The following HCN1 variants were observed in gnomAD, a reference collection of about 807,000 sequenced individuals.
HCN1 encodes the protein potassium/sodium hyperpolarization-activated cyclic nucleotide-gated channel 1.
HCN1 carries 13 observed loss-of-function variants against 78.9 expected under a neutral mutation model. The observed-to-expected ratio is 0.16, with a 90% CI of 0.11 to 0.26. The LOEUF (loss-of-function observed/expected upper bound fraction) is 0.26. Ranked by LOEUF, HCN1 falls within the 10% of genes least tolerant of loss-of-function variation. The probability of loss-of-function intolerance (pLI) is 1.00; values close to 1 mark genes in which losing one functional copy is unlikely to be tolerated. For missense variants in HCN1, 810 were observed against 1,154.3 expected (o/e 0.70, Z 4.32); for synonymous variants, 552 against 455.5 (o/e 1.21, Z -2.70).
chr5:45,598,582 T>C (rs1744555808), intron 2 of HCN1, among the ~76,000 whole-genome samples: 1 of 152,138 alleles, frequency 6.6e-6, no homozygotes, highest in Admixed American at 6.5e-5. Context: ...CTAATTAAAC[T>C]GAAGAGCTTC....
chr5:45,530,412 T>TATATATA (rs1554031207), intron 2 of HCN1, among the ~76,000 whole-genome samples: 4 of 148,734 alleles, frequency 2.7e-5, no homozygotes, highest in African/African-American at 9.8e-5. Context: ...GATTGTGTTT[T>TATATATA]TATATATATA....
intron 3 of HCN1, among the ~76,000 whole-genome samples, chr5:45,438,732 T>C (rs928933993): frequency 1.3e-5 from 2 of 152,158 alleles, no homozygotes; most frequent in Admixed American, 6.5e-5. Context: ...TATCATAAAA[T>C]TGGAATCAGT....
intron 2 of HCN1, among the ~76,000 whole-genome samples, chr5:45,631,463 C>G (rs113080188): frequency 6.6e-6 from 1 of 152,134 alleles, no homozygotes; most frequent in Non-Finnish European, 1.5e-5. Context: ...GAAGCAGGAC[C>G]GCTAGCCCAC....
intron 2 of HCN1, among the ~76,000 whole-genome samples, chr5:45,640,710 G>C (rs1209163822): frequency 6.6e-6 from 1 of 151,802 alleles, no homozygotes; most frequent in Non-Finnish European, 1.5e-5. Flanking sequence ...GAGAAGCTGA[G>C]ATTACAGGCA....
chr5:45,506,710 GA>G (rs1742309023), intron 2 of HCN1, among the ~76,000 whole-genome samples: 1 of 152,122 alleles, frequency 6.6e-6, no homozygotes, highest in African/African-American at 2.4e-5. Flanking sequence ...TCTCCTTCAG[GA>G]AAAATTGTTT....
At chr5:45,613,399 C>A (rs1744882215) in intron 2 of HCN1, among the ~76,000 whole-genome samples, 1 of 151,864 alleles carries the variant, frequency 6.6e-6, no homozygotes, top group African/African-American at 2.4e-5. Context: ...AAATGCAAAT[C>A]AAAACCACAA....
At chr5:45,439,713 C>G (rs188616027) in intron 3 of HCN1, among the ~76,000 whole-genome samples, 1 of 151,950 alleles carries the variant, frequency 6.6e-6, no homozygotes, top group African/African-American at 2.4e-5. Context: ...GGCCAGCTAA[C>G]CAACAGGATA....
chr5:45,312,687 T>C (rs897465164), intron 5 of HCN1, among the ~76,000 whole-genome samples: 16 of 152,130 alleles, frequency 1.1e-4, no homozygotes, highest in African/African-American at 3.4e-4. Flanking sequence ...ACTTTTCCAA[T>C]GGTCTTAGCA....
intron 1 of HCN1, among the ~76,000 whole-genome samples, chr5:45,680,807 T>C (rs558675882): frequency 1.3e-5 from 2 of 152,292 alleles, no homozygotes; most frequent in South Asian, 4.1e-4. Flanking sequence ...CTAATTATAT[T>C]ATCTCTTCAT....
chr5:45,695,182 G>C (rs1456632149), intron 1 of HCN1: 1 of 175,206 alleles, frequency 5.7e-6, no homozygotes, highest in African/African-American at 2.4e-5. Flanking sequence ...CCAGGGGCGA[G>C]CGCGGCAGGA....
chr5:45,530,142 G>A (rs146013256), intron 2 of HCN1, among the ~76,000 whole-genome samples: 10 of 152,150 alleles, frequency 6.6e-5, no homozygotes, highest in African/African-American at 2.2e-4. Flanking sequence ...CAGTGATTAC[G>A]GAATCTGTAA....
chr5:45,486,328 A>G (rs1337291348), intron 2 of HCN1, among the ~76,000 whole-genome samples: 1 of 152,164 alleles, frequency 6.6e-6, no homozygotes, highest in Non-Finnish European at 1.5e-5. Context: ...AAGGTTGTGG[A>G]AATTAGGTAA....
chr5:45,397,493 T>C (rs979904245), intron 3 of HCN1, among the ~76,000 whole-genome samples: 2 of 152,052 alleles, frequency 1.3e-5, no homozygotes, highest in Admixed American at 1.3e-4. Flanking sequence ...TGCTGTCCAA[T>C]GTATCTTATC....
intron 1 of HCN1, among the ~76,000 whole-genome samples, chr5:45,683,306 T>C (rs959934854): frequency 6.6e-6 from 1 of 152,154 alleles, no homozygotes; most frequent in Non-Finnish European, 1.5e-5. Flanking sequence ...TTTTCTTTTA[T>C]AGATTCCAAT....
At chr5:45,695,566 C>G (rs932699068) in intron 1 of HCN1, 103 bp downstream of exon 1, 17 of 1,174,652 alleles carry the variant, frequency 1.4e-5, no homozygotes, top group African/African-American at 3.1e-5. Flanking sequence ...CGCCACCCCC[C>G]GCCCGCCCTC....
At chr5:45,492,276 C>T (rs1741899559) in intron 2 of HCN1, among the ~76,000 whole-genome samples, 2 of 149,330 alleles carry the variant, frequency 1.3e-5, no homozygotes, top group African/African-American at 4.9e-5. Context: ...CCCACTCTCT[C>T]TCTCACCAAA....
intron 2 of HCN1, among the ~76,000 whole-genome samples, chr5:45,601,542 A>G (rs1744624655): frequency 6.6e-6 from 1 of 152,166 alleles, no homozygotes; most frequent in African/African-American, 2.4e-5. Context: ...TAAATAAATC[A>G]GATTGGAGTA....
chr5:45,515,313 A>T (rs1303537847), intron 2 of HCN1, among the ~76,000 whole-genome samples: 1 of 152,008 alleles, frequency 6.6e-6, no homozygotes. Context: ...ACTACATAGT[A>T]TCAAACTAGG....
chr5:45,306,929 C>T (rs1003745561), intron 5 of HCN1, among the ~76,000 whole-genome samples: 2 of 151,988 alleles, frequency 1.3e-5, no homozygotes, highest in African/African-American at 4.8e-5. Flanking sequence ...TATGTTGGCA[C>T]TTTAAAAAAT....
Sources: allele counts gnomAD v4.1 joint callset (sites outside exome capture counted in the v4.1 genomes callset), GRCh38; gene constraint gnomAD v4.1.1; transcripts MANE v1.5; gene names NCBI Gene and HGNC (gene_info 2026-07-23, HGNC 2026-07-21).